The following NRDC variants were observed in gnomAD, a reference collection of about 807,000 sequenced individuals.
The protein encoded by NRDC is nardilysin convertase.
NRDC carries 54 observed loss-of-function variants against 147.1 expected under a neutral mutation model. That is an observed-to-expected ratio of 0.37 (90% CI 0.29 to 0.46). NRDC has a LOEUF of 0.46. Ranked by LOEUF, NRDC falls within the 20% of genes least tolerant of loss-of-function variation. The pLI is 1.00. For synonymous variants in NRDC, 440 were observed against 482.1 expected, an observed-to-expected ratio of 0.91 and a Z score of 1.14; for missense variants, 1,082 against 1,370.6, an observed-to-expected ratio of 0.79 and a Z score of 3.33.
rs187265241 is a variant in NRDC, at chr1:51,832,133, G to A, written c.866+1884C>T. Among the ~76,000 whole-genome samples, 555 of 151,832 alleles carry A rather than the reference G, an allele frequency of 3.7e-3. 4 individuals are homozygous for A. Among genetic ancestry groups the A allele is most frequent in the Non-Finnish European group, 6.5e-3 (445 of 67,942 alleles). On this transcript the variant is annotated intron_variant, in intron 4 of 30. Transcript: ENST00000352171. The stretch of plus-strand genomic sequence containing the variant: ...ATGATCTCAGCTCACTGCAACCTCC[G>A]CCTCCTAGGTTCAAGCAATTCTCCT...
At chr1:51,837,420 T>C (rs929581486) in intron 2 of NRDC, 47 of 1,361,028 alleles carry the variant, frequency 3.5e-5, no homozygotes, top group East Asian at 2.3e-4. Flanking sequence ...AGTTAAAACA[T>C]TGGGGAATAT....
intron 1 of NRDC, among the ~76,000 whole-genome samples, chr1:51,866,092 C>T (rs1007672412): frequency 2.6e-5 from 4 of 151,880 alleles, no homozygotes; most frequent in East Asian, 1.9e-4. Flanking sequence ...ATTAGCTGGG[C>T]GTGGTGGCAG....
At chr1:51,868,515 T>G (rs1682929213) in intron 1 of NRDC, among the ~76,000 whole-genome samples, 1 of 152,230 alleles carries the variant, frequency 6.6e-6, no homozygotes, top group Non-Finnish European at 1.5e-5. Flanking sequence ...TATACTCTAA[T>G]TACTGCTTAG....
At chr1:51,794,438 G>T in intron 24 of NRDC, 34 bp downstream of exon 24, 3 of 1,607,096 alleles carry the variant, frequency 1.9e-6, no homozygotes, top group Non-Finnish European at 2.6e-6. Flanking sequence ...CCAGGCACTG[G>T]GCCTTCCGCC....
chr1:51,822,011 G>GT (rs1468891421), intron 7 of NRDC, among the ~76,000 whole-genome samples: 5 of 151,710 alleles, frequency 3.3e-5, no homozygotes, highest in Admixed American at 6.6e-5. Flanking sequence ...ACTTGCTGAG[G>GT]TTTTAACTCA....
At chr1:51,794,203 A>G (rs897119144) in intron 24 of NRDC, 9 of 356,082 alleles carry the variant, frequency 2.5e-5, no homozygotes, top group African/African-American at 8.1e-5. Flanking sequence ...TGGGAGTTCT[A>G]TCAGGGGCAC....
intron 24 of NRDC, among the ~76,000 whole-genome samples, chr1:51,792,877 G>T (rs1678719275): frequency 6.6e-6 from 1 of 152,228 alleles, no homozygotes; most frequent in African/African-American, 2.4e-5. Context: ...CAGTTGATAA[G>T]AAAAATACTT....
chr1:51,811,033 T>C (rs1342450363), intron 15 of NRDC, among the ~76,000 whole-genome samples: 1 of 152,180 alleles, frequency 6.6e-6, no homozygotes, highest in Non-Finnish European at 1.5e-5. Flanking sequence ...AAACAGAATT[T>C]TGTGGCTTGG....
intron 4 of NRDC, among the ~76,000 whole-genome samples, chr1:51,833,501 A>G (rs1285970419): frequency 6.6e-6 from 1 of 152,112 alleles, no homozygotes; most frequent in African/African-American, 2.4e-5. Context: ...TAAAATTAAT[A>G]AAACCCAAAA....
chr1:51,801,026 T>A, intron 20 of NRDC: 1 of 176,748 alleles, frequency 5.7e-6, no homozygotes, highest in Non-Finnish European at 1.2e-5. Context: ...TTTGCTTTTG[T>A]ACAGACAAGG....
At chr1:51,875,918 G>C (rs1026056086) in intron 1 of NRDC, among the ~76,000 whole-genome samples, 1 of 152,000 alleles carries the variant, frequency 6.6e-6, no homozygotes, top group African/African-American at 2.4e-5. Flanking sequence ...GGCAGGTACT[G>C]GCTCAATCAT....
rs771179377 is a variant in NRDC, at chr1:51,840,221, C to T, written c.630+5G>A. 20 of 1,587,878 alleles carry T rather than the reference C, an allele frequency of 1.3e-5. No homozygotes were observed. The East Asian group carries it at 1.8e-4, about 14-fold the overall frequency. On this transcript the variant is annotated splice_donor_5th_base_variant and intron_variant, in intron 2 of 30. Transcript: ENST00000352171. ...AAATTAGAAGAAAACAGACATGACT[C>T]GCACCTGTTTTTCAGTAGTTTTTTT...
At chr1:51,866,901 G>A (rs952432631) in intron 1 of NRDC, among the ~76,000 whole-genome samples, 23 of 152,098 alleles carry the variant, frequency 1.5e-4, no homozygotes, top group African/African-American at 5.6e-4. Context: ...AATGGGAAGA[G>A]GCAATATAAA....
intron 10 of NRDC, among the ~76,000 whole-genome samples, chr1:51,816,667 G>A (rs963706552): frequency 1.3e-5 from 2 of 152,144 alleles, no homozygotes; most frequent in Admixed American, 1.3e-4. Context: ...CTGCTCTCAT[G>A]ATAAATCTTT....
At position 51,819,789 on chromosome 1, in the gene NRDC, G is replaced by T; in HGVS notation, c.1291+11C>A. 6.3e-7 allele frequency: 1 copy of T among 1,590,682 alleles called. No homozygotes were observed. ...TTATTTCAAACAGTTTTAAACTTTT[G>T]GTTCACAAACCTCTATAAAGTTTGT... On this transcript the variant is annotated intron_variant, in intron 9 of 30. Transcript: ENST00000352171.
At chr1:51,844,178 T>C (rs933560948) in intron 1 of NRDC, among the ~76,000 whole-genome samples, 1 of 151,932 alleles carries the variant, frequency 6.6e-6, no homozygotes, top group Non-Finnish European at 1.5e-5. Flanking sequence ...ACACCTCAAG[T>C]CAATTCTCAG....
intron 2 of NRDC, among the ~76,000 whole-genome samples, chr1:51,837,013 C>T (rs1681016628): frequency 6.7e-6 from 1 of 148,768 alleles, no homozygotes. Context: ...AACTCCTGGA[C>T]TCAAACAATC....
In NRDC at chr1:51,836,544, T is replaced by C. The variant is rs572856382; in HGVS notation, c.631-332A>G. ...ATTTCATAATTCTGAACCAAGTTTTTTCCCTGAATTACTAGATTTTGGAAA... is the reference window on the plus strand; with the variant it reads ...ATTTCATAATTCTGAACCAAGTTTTCTCCCTGAATTACTAGATTTTGGAAA... On this transcript the variant is annotated intron_variant, in intron 2 of 30. Coordinates refer to ENST00000352171, the MANE Select transcript of NRDC (RefSeq NM_001101662.2). 8.8e-6 allele frequency: 8 copies of C among 911,434 alleles called. No individual in the cohort carries two copies. The African/African-American group carries it at 1.3e-4, about 15-fold the overall frequency. The allele number at this position is 911,434 out of a possible 1,614,324, so 56.5% of individuals were successfully genotyped here.
chr1:51,845,036 A>C (rs1284299631), intron 1 of NRDC, among the ~76,000 whole-genome samples: 1 of 152,176 alleles, frequency 6.6e-6, no homozygotes. Flanking sequence ...GCTTCCCATC[A>C]TACTTAAAAT....
Sources: gnomAD v4.1 joint callset for allele counts (sites outside exome capture counted in the v4.1 genomes callset) on GRCh38, gnomAD v4.1.1 for gene constraint, MANE v1.5 for transcripts, NCBI Gene and HGNC (gene_info 2026-07-23, HGNC 2026-07-21) for gene names.